HMCN1: variants seen among roughly 807,000 people sequenced by gnomAD.
The protein encoded by HMCN1 is hemicentin 1.
A neutral mutation model predicts 625.9 loss-of-function variants in HMCN1; 321 were observed. That is an observed-to-expected ratio of 0.51 (90% CI 0.47 to 0.56). The LOEUF (loss-of-function observed/expected upper bound fraction) is 0.56, where lower values mean the gene tolerates loss of function less well. Among genes scored for constraint, HMCN1 ranks in the 20% least tolerant of loss-of-function variants. The pLI is 0.00. For synonymous variants in HMCN1, 2,425 were observed against 2,417.6 expected, an observed-to-expected ratio of 1.00 and a Z score of -0.09; for missense variants, 6,588 against 6,887.3, an observed-to-expected ratio of 0.96 and a Z score of 1.54.
chr1:186,081,111 A>T, intron 55 of HMCN1, 96 bp from the exon 56 acceptor site: 1 of 1,013,376 alleles, frequency 9.9e-7, no homozygotes, highest in Non-Finnish European at 1.6e-6. Flanking sequence ...TTGCTTCTCT[A>T]TTATTATCCC....
intron 2 of HMCN1, among the ~76,000 whole-genome samples, chr1:185,860,568 C>T (rs142255592): frequency 2.8e-4 from 43 of 152,234 alleles, no homozygotes; most frequent in African/African-American, 9.1e-4. Context: ...CCTCAGCCCC[C>T]CAAGTAGCTG....
chr1:185,891,762 C>G lies in HMCN1; in HGVS notation c.622-17575C>G, dbSNP rs1046987722. Among the ~76,000 whole-genome samples the G allele has an allele frequency of 4.9e-4, 72 of 148,188 alleles. 3 individuals carry two copies. The highest frequency in any genetic ancestry group is 1.8e-3 in the African/African-American group (66 of 37,624). ...CTTAACATTTTTTCCTTCATTTCAA[C>G]TTTGGTGAATCTGACAATTATGTGT... On this transcript the variant is annotated intron_variant, in intron 4 of 106. Transcript: ENST00000271588.
chr1:185,755,491 G>A (rs761753039), intron 1 of HMCN1, among the ~76,000 whole-genome samples: 2 of 152,208 alleles, frequency 1.3e-5, no homozygotes, highest in African/African-American at 4.8e-5. Context: ...CCACCTGAGA[G>A]TGCTGCTAGG....
intron 64 of HMCN1, 40 bp from the exon 65 acceptor site, chr1:186,093,094 C>T (rs765036103): frequency 1.2e-6 from 2 of 1,612,138 alleles, no homozygotes; most frequent in South Asian, 1.1e-5. Flanking sequence ...GAAATAGATT[C>T]AATCTCATCT....
Position 185,977,956 on chromosome 1 carries a change from A to C in HMCN1, c.2541A>C (p.Leu847=). ...TTTCAGTTAGTTCCATCAGCCAACT[A>C]AGAACAGGAGCTCTCTTTATTTTAA... ...RPFSVSSISQ[L]RTGALFILNL... The change falls in exon 16 of 107, where the codon CTA becomes CTC. Residue 847 remains leucine, a synonymous_variant. Coordinates refer to ENST00000271588, the MANE Select transcript of HMCN1 (RefSeq NM_031935.3). 3.7e-6 allele frequency: 6 copies of C among 1,612,780 alleles called. No individual in the cohort carries two copies. Among genetic ancestry groups the C allele is most frequent in the Non-Finnish European group, 5.1e-6 (6 of 1,179,012 alleles).
chr1:185,790,914 T>C (rs1657946103), intron 1 of HMCN1, among the ~76,000 whole-genome samples: 1 of 152,238 alleles, frequency 6.6e-6, no homozygotes, highest in South Asian at 2.1e-4. Flanking sequence ...ATGGTGTATA[T>C]AAGGTTAAGC....
intron 1 of HMCN1, among the ~76,000 whole-genome samples, chr1:185,776,442 TTGTGTGTGTG>T (rs57003461): frequency 0.011 from 1,670 of 147,098 alleles, 6 homozygotes; most frequent in Middle Eastern, 0.024. Flanking sequence ...TTGTATAGGG[TTGTGTGTGTG>T]TGTGTGTGTG....
chr1:185,823,427 T>C (rs1008689891), intron 1 of HMCN1, among the ~76,000 whole-genome samples: 1 of 152,184 alleles, frequency 6.6e-6, no homozygotes, highest in Non-Finnish European at 1.5e-5. Context: ...GTGTTTAAGG[T>C]AAAGTGTAAA....
At chr1:185,743,703 T>A (rs2102073253) in intron 1 of HMCN1, among the ~76,000 whole-genome samples, 1 of 152,324 alleles carries the variant, frequency 6.6e-6, no homozygotes, top group East Asian at 1.9e-4. Flanking sequence ...CTGTGGAGAA[T>A]AGGAAAAATT....
intron 103 of HMCN1, among the ~76,000 whole-genome samples, chr1:186,177,830 A>G (rs1370927509): frequency 2.0e-5 from 3 of 152,152 alleles, no homozygotes; most frequent in Non-Finnish European, 4.4e-5. Flanking sequence ...AGACTTTTTT[A>G]TAAGTGAAGT....
chr1:185,987,050 C>A (rs144299437), intron 19 of HMCN1, among the ~76,000 whole-genome samples: 10 of 151,216 alleles, frequency 6.6e-5, no homozygotes, highest in African/African-American at 2.4e-4. Context: ...CAGCTTATTG[C>A]AGCTTAATGA....
intron 104 of HMCN1, among the ~76,000 whole-genome samples, chr1:186,181,714 G>A (rs1175715446): frequency 1.3e-5 from 2 of 152,130 alleles, no homozygotes; most frequent in Non-Finnish European, 2.9e-5. Context: ...CAGGGAGAGA[G>A]AAAGAGAGCC....
chr1:185,737,074 A>G (rs1329286838), intron 1 of HMCN1, among the ~76,000 whole-genome samples: 3 of 151,848 alleles, frequency 2.0e-5, no homozygotes, highest in African/African-American at 7.3e-5. Context: ...GTAGTACTTT[A>G]TTTGTGTGAT....
chr1:185,797,888 C>T (rs1357267841), intron 1 of HMCN1, among the ~76,000 whole-genome samples: 1 of 131,968 alleles, frequency 7.6e-6, no homozygotes, highest in Non-Finnish European at 1.5e-5. Context: ...ATGGTGTGAA[C>T]CCGGGAGGCG....
intron 1 of HMCN1, among the ~76,000 whole-genome samples, chr1:185,835,271 A>G (rs1200309614): frequency 2.6e-5 from 4 of 152,200 alleles, no homozygotes; most frequent in African/African-American, 9.6e-5. Context: ...ATCAGTTGGT[A>G]TGGGTGCACT....
chr1:185,758,757 C>T (rs1204917585), intron 1 of HMCN1, among the ~76,000 whole-genome samples: 1 of 151,880 alleles, frequency 6.6e-6, no homozygotes, highest in Non-Finnish European at 1.5e-5. Context: ...CATTCTTTTT[C>T]CTTTTTTAAA....
chr1:186,000,927 T>C (rs1331856973), intron 26 of HMCN1, among the ~76,000 whole-genome samples: 1 of 152,018 alleles, frequency 6.6e-6, no homozygotes, highest in Admixed American at 6.6e-5. Context: ...ATTTGATGAA[T>C]ATTGGTTTCT....
chr1:186,187,805 A>AG, intron 105 of HMCN1, 78 bp from the exon 106 acceptor site: 1 of 1,581,246 alleles, frequency 6.3e-7, no homozygotes, highest in Non-Finnish European at 8.7e-7. Flanking sequence ...CATTCTAGTC[A>AG]CACATCTACA....
At chr1:185,931,225 A>G (rs1388251007) in intron 10 of HMCN1, among the ~76,000 whole-genome samples, 2 of 152,062 alleles carry the variant, frequency 1.3e-5, no homozygotes, top group Non-Finnish European at 2.9e-5. Flanking sequence ...TCCCAAGCCT[A>G]TGCTTGTCAT....
Sources: allele counts gnomAD v4.1 joint callset (sites outside exome capture counted in the v4.1 genomes callset), GRCh38; gene constraint gnomAD v4.1.1; transcripts MANE v1.5; gene names NCBI Gene and HGNC (gene_info 2026-07-23, HGNC 2026-07-21).